Variants in RBFOX1 observed in about 807,000 individuals in gnomAD.
The protein encoded by RBFOX1 is RNA binding protein fox-1 homolog 1.
Under a neutral mutation model 57.7 loss-of-function variants are expected in RBFOX1, and 8 were observed. That is an observed-to-expected ratio of 0.14 (90% CI 0.08 to 0.25). The LOEUF (loss-of-function observed/expected upper bound fraction) is 0.25. RBFOX1 is among the 10% of genes least tolerant of loss of function. The probability of loss-of-function intolerance (pLI) is 1.00; values close to 1 mark genes in which losing one functional copy is unlikely to be tolerated. For missense variants in RBFOX1, 611 were observed against 548.5 expected (o/e 1.11, Z -1.14); for synonymous variants, 326 against 222.4 (o/e 1.47, Z -4.15).
intron 4 of RBFOX1, among the ~76,000 whole-genome samples, chr16:7,474,317 C>G (rs2062175892): frequency 6.6e-6 from 1 of 152,090 alleles, no homozygotes; most frequent in Non-Finnish European, 1.5e-5. Flanking sequence ...AAACAAAAAG[C>G]AGCCCCCCAT....
chr16:7,073,011 G>T (rs1006646908), intron 4 of RBFOX1, among the ~76,000 whole-genome samples: 3 of 152,206 alleles, frequency 2.0e-5, no homozygotes, highest in African/African-American at 7.2e-5. Context: ...GTCAGGCTTT[G>T]TGAGTCCTCA....
At chr16:6,808,104 A>G (rs1439586742) in intron 3 of RBFOX1, among the ~76,000 whole-genome samples, 1 of 150,576 alleles carries the variant, frequency 6.6e-6, no homozygotes, top group Non-Finnish European at 1.5e-5. Context: ...CTAGATATAT[A>G]TAGGATGTAG....
intron 3 of RBFOX1, among the ~76,000 whole-genome samples, chr16:5,695,063 G>A (rs1209101643): frequency 1.3e-5 from 2 of 151,978 alleles, no homozygotes; most frequent in Admixed American, 6.6e-5. Flanking sequence ...AGTAATATAT[G>A]TTTTTATTGA....
intron 3 of RBFOX1, among the ~76,000 whole-genome samples, chr16:6,684,069 C>T (rs1215979441): frequency 6.6e-6 from 1 of 152,150 alleles, no homozygotes; most frequent in Non-Finnish European, 1.5e-5. Context: ...GTTTGCATCT[C>T]ATTTGTGTGT....
rs141527080 is a variant in RBFOX1 at position 6,854,327 on chromosome 16, G to T, written c.-15-197730G>T. On this transcript the variant is annotated intron_variant, in intron 3 of 15. Coordinates refer to ENST00000550418, the MANE Select transcript of RBFOX1 (RefSeq NM_018723.4). ...GACTGTATTAGGAAGGAGTCTTTGG[G>T]TACAAATTATGGAACCTATGAAGAG... Among the ~76,000 whole-genome samples, 833 of 152,150 alleles carry T rather than the reference G, an allele frequency of 5.5e-3. 14 individuals are homozygous for T. The highest frequency in any genetic ancestry group is 0.019 in the African/African-American group (796 of 41,500).
intron 4 of RBFOX1, among the ~76,000 whole-genome samples, chr16:7,325,547 C>G (rs1447749965): frequency 6.6e-6 from 1 of 152,184 alleles, no homozygotes; most frequent in Non-Finnish European, 1.5e-5. Context: ...CATTTGCATA[C>G]ACTAACTGAA....
intron 3 of RBFOX1, among the ~76,000 whole-genome samples, chr16:6,745,033 A>G (rs113743447): frequency 7.9e-5 from 12 of 152,184 alleles, no homozygotes; most frequent in African/African-American, 2.9e-4. Flanking sequence ...TTAAAAGAAA[A>G]ATAAGATCAT....
At chr16:6,100,291 G>T (rs1193178763) in intron 1 of RBFOX1, among the ~76,000 whole-genome samples, 4 of 151,938 alleles carry the variant, frequency 2.6e-5, no homozygotes, top group Non-Finnish European at 5.9e-5. Flanking sequence ...GCCTCCCGAG[G>T]AGCTGGGACT....
intron 3 of RBFOX1, among the ~76,000 whole-genome samples, chr16:6,784,365 T>C (rs2081551459): frequency 6.6e-6 from 1 of 152,150 alleles, no homozygotes; most frequent in African/African-American, 2.4e-5. Flanking sequence ...AGCTCACTGA[T>C]TCTTTCTTCT....
chr16:7,205,432 G>T (rs1016988855), intron 4 of RBFOX1, among the ~76,000 whole-genome samples: 6 of 151,332 alleles, frequency 4.0e-5, no homozygotes, highest in African/African-American at 1.5e-4. Flanking sequence ...GCAGGAGAAT[G>T]GCTTGAACCC....
At chr16:7,673,467 G>A (rs186430792) in intron 13 of RBFOX1, among the ~76,000 whole-genome samples, 18 of 152,312 alleles carry the variant, frequency 1.2e-4, no homozygotes, top group African/African-American at 4.1e-4. Context: ...AGCACTTTGG[G>A]AGGCTGAATT....
chr16:7,005,914 T>C (rs2093258424), intron 3 of RBFOX1, among the ~76,000 whole-genome samples: 1 of 152,192 alleles, frequency 6.6e-6, no homozygotes, highest in African/African-American at 2.4e-5. Flanking sequence ...ATATAATTGG[T>C]CTTTCTGACA....
chr16:5,401,760 TCTCTCTCCTCCTC>T (rs1216512021), intron 1 of RBFOX1, among the ~76,000 whole-genome samples: 2 of 115,156 alleles, frequency 1.7e-5, no homozygotes, highest in African/African-American at 6.9e-5. Context: ...TCTCTCCCTG[TCTCTCTCCTCCTC>T]CTCCTCCTCC....
At chr16:7,150,497 A>G (rs897561662) in intron 4 of RBFOX1, among the ~76,000 whole-genome samples, 1 of 152,158 alleles carries the variant, frequency 6.6e-6, no homozygotes, top group Non-Finnish European at 1.5e-5. Context: ...GGTGGTAACA[A>G]TTCCATAAAT....
chr16:7,503,323 G>T (rs1265269627), intron 4 of RBFOX1, among the ~76,000 whole-genome samples: 2 of 152,140 alleles, frequency 1.3e-5, no homozygotes, highest in East Asian at 3.9e-4. Flanking sequence ...TATGTATAAG[G>T]ACTTCCTCTC....
intron 3 of RBFOX1, among the ~76,000 whole-genome samples, chr16:7,038,127 A>G (rs773572667): frequency 2.0e-5 from 3 of 151,806 alleles, no homozygotes; most frequent in Admixed American, 6.6e-5. Flanking sequence ...AGAGAGGGGG[A>G]TGATGGGAAA....
chr16:5,616,996 G>A (rs569528307), intron 3 of RBFOX1, among the ~76,000 whole-genome samples: 2 of 151,634 alleles, frequency 1.3e-5, no homozygotes, highest in Non-Finnish European at 2.9e-5. Flanking sequence ...AAACTGGCCG[G>A]AGGGCAGTTC....
intron 2 of RBFOX1, among the ~76,000 whole-genome samples, chr16:5,557,790 C>T (rs891812895): frequency 2.6e-5 from 4 of 152,202 alleles, no homozygotes; most frequent in African/African-American, 4.8e-5. Flanking sequence ...TAAGTGAGGA[C>T]AGGCATTTCT....
At chr16:7,137,433 T>C (rs376292028) in intron 4 of RBFOX1, among the ~76,000 whole-genome samples, 3 of 152,260 alleles carry the variant, frequency 2.0e-5, no homozygotes, top group East Asian at 3.9e-4. Context: ...TGAGATCTGA[T>C]GGTTTTATAA....
Sources: allele counts gnomAD v4.1 joint callset (sites outside exome capture counted in the v4.1 genomes callset), GRCh38; gene constraint gnomAD v4.1.1; transcripts MANE v1.5; gene names NCBI Gene and HGNC (gene_info 2026-07-23, HGNC 2026-07-21).